GABBR2: variants seen among roughly 807,000 people sequenced by gnomAD.
The protein encoded by GABBR2 is gamma-aminobutyric acid type B receptor subunit 2.
In GABBR2, 23 loss-of-function variants were observed where a neutral mutation model predicts 105.6. The observed-to-expected ratio is 0.22, with a 90% CI of 0.16 to 0.31. The LOEUF (loss-of-function observed/expected upper bound fraction) is 0.31. GABBR2 is among the 10% of genes least tolerant of loss of function. The pLI is 1.00. For synonymous variants in GABBR2, 478 were observed against 499.7 expected (o/e 0.96, Z 0.58); for missense variants, 734 against 1,245.5 (o/e 0.59, Z 6.18).
intron 7 of GABBR2, among the ~76,000 whole-genome samples, chr9:98,433,730 TTCC>T (rs1825850959): frequency 6.6e-6 from 1 of 152,150 alleles, no homozygotes; most frequent in Non-Finnish European, 1.5e-5. Flanking sequence ...TGTCTGATGA[TTCC>T]TGGGGCCACA....
At chr9:98,649,404 A>G (rs1037610761) in intron 1 of GABBR2, among the ~76,000 whole-genome samples, 1 of 152,164 alleles carries the variant, frequency 6.6e-6, no homozygotes. Flanking sequence ...GGCCCCAAAG[A>G]GTTAGTGAGT....
At chr9:98,432,496 A>G (rs1405339206) in intron 7 of GABBR2, among the ~76,000 whole-genome samples, 5 of 152,168 alleles carry the variant, frequency 3.3e-5, no homozygotes, top group African/African-American at 1.2e-4. Context: ...CAAACAGAGC[A>G]TTAGAGGTGG....
intron 13 of GABBR2, among the ~76,000 whole-genome samples, chr9:98,348,344 T>A (rs1259327959): frequency 6.6e-6 from 1 of 152,192 alleles, no homozygotes; most frequent in Non-Finnish European, 1.5e-5. Context: ...AGCTTTGTAG[T>A]ATATTTTGCA....
At chr9:98,364,951 T>C (rs1444220001) in intron 12 of GABBR2, among the ~76,000 whole-genome samples, 1 of 152,222 alleles carries the variant, frequency 6.6e-6, no homozygotes, top group Non-Finnish European at 1.5e-5. Flanking sequence ...TGAGTTAGAA[T>C]TCTGGCTCTG....
chr9:98,662,687 G>A (rs1309704306), intron 1 of GABBR2, among the ~76,000 whole-genome samples: 1 of 152,136 alleles, frequency 6.6e-6, no homozygotes, highest in African/African-American at 2.4e-5. Context: ...TGAAGACCCT[G>A]CTCTCCAGAT....
At chr9:98,626,785 C>T (rs1829743160) in intron 1 of GABBR2, among the ~76,000 whole-genome samples, 1 of 152,086 alleles carries the variant, frequency 6.6e-6, no homozygotes, top group Non-Finnish European at 1.5e-5. Context: ...GATGCAGTGG[C>T]CTAAAATGCT....
chr9:98,397,291 A>G (rs376193800), intron 8 of GABBR2, among the ~76,000 whole-genome samples: 3 of 152,202 alleles, frequency 2.0e-5, no homozygotes, highest in Admixed American at 2.0e-4. Flanking sequence ...GACATCCTGG[A>G]TGCTGGAGAG....
intron 7 of GABBR2, among the ~76,000 whole-genome samples, chr9:98,439,075 C>A (rs1457585954): frequency 6.6e-6 from 1 of 152,020 alleles, no homozygotes; most frequent in Non-Finnish European, 1.5e-5. Flanking sequence ...GCCATCTGTG[C>A]TTTCCTTTAC....
chr9:98,453,881 G>A (rs910912963), intron 7 of GABBR2, 100 bp downstream of exon 7: 2 of 824,598 alleles, frequency 2.4e-6, no homozygotes, highest in African/African-American at 3.4e-5. Flanking sequence ...AATGATCAGA[G>A]ATAACAGATC....
At chr9:98,437,410 C>T in intron 7 of GABBR2, among the ~76,000 whole-genome samples, 1 of 151,874 alleles carries the variant, frequency 6.6e-6, no homozygotes, top group East Asian at 1.9e-4. Context: ...TCCATCCATC[C>T]CTCCATCCAT....
intron 17 of GABBR2, among the ~76,000 whole-genome samples, chr9:98,295,238 A>T (rs1048526486): frequency 6.6e-6 from 1 of 152,246 alleles, no homozygotes; most frequent in Non-Finnish European, 1.5e-5. Context: ...GCTGAGGTTG[A>T]GCAAGGTGAT....
chr9:98,661,861 C>T (rs766461258), intron 1 of GABBR2, among the ~76,000 whole-genome samples: 10 of 152,190 alleles, frequency 6.6e-5, no homozygotes, highest in Non-Finnish European at 1.5e-4. Context: ...GGCCCCGTCC[C>T]TCAGAGCAGC....
intron 1 of GABBR2, among the ~76,000 whole-genome samples, chr9:98,625,874 G>A (rs1398295875): frequency 4.6e-5 from 7 of 152,220 alleles, no homozygotes; most frequent in African/African-American, 1.7e-4. Flanking sequence ...GACTCAGGGA[G>A]GCGAAGGGAG....
At chr9:98,567,702 G>A (rs1455472950) in intron 2 of GABBR2, among the ~76,000 whole-genome samples, 1 of 152,182 alleles carries the variant, frequency 6.6e-6, no homozygotes, top group African/African-American at 2.4e-5. Flanking sequence ...CCAGAAGGGT[G>A]GACGGGATTA....
At chr9:98,432,912 C>T (rs1825838414) in intron 7 of GABBR2, among the ~76,000 whole-genome samples, 1 of 152,122 alleles carries the variant, frequency 6.6e-6, no homozygotes, top group African/African-American at 2.4e-5. Context: ...GCAGTGTGAG[C>T]CCGAGGAGAG....
chr9:98,361,444 A>G (rs1831581339), intron 13 of GABBR2, among the ~76,000 whole-genome samples: 1 of 152,198 alleles, frequency 6.6e-6, no homozygotes, highest in Admixed American at 6.5e-5. Context: ...CAGTTAGCCA[A>G]TGATAGCTCT....
In GABBR2 at chr9:98,341,495, G is replaced by T. The variant is rs576373956; in HGVS notation, c.1893+21220C>A. Among the ~76,000 whole-genome samples the T allele has an allele frequency of 2.0e-4, 30 of 152,350 alleles. 1 individual carries two copies. The East Asian group carries it at 5.8e-3, about 29-fold the overall frequency. ...CAACAGGACAGTTAAAAATAAAGACGAATGATCAGAAGGTGAGATAATCCT... is the reference window on the plus strand; with the variant it reads ...CAACAGGACAGTTAAAAATAAAGACTAATGATCAGAAGGTGAGATAATCCT... On this transcript the variant is annotated intron_variant, in intron 13 of 18. Transcript: ENST00000259455.
chr9:98,526,788 A>G (rs1827970884), intron 3 of GABBR2, among the ~76,000 whole-genome samples: 1 of 152,180 alleles, frequency 6.6e-6, no homozygotes, highest in Admixed American at 6.5e-5. Context: ...TGTCACACTA[A>G]TAGATCAAAG....
intron 6 of GABBR2, among the ~76,000 whole-genome samples, chr9:98,457,724 G>A (rs150739057): frequency 7.2e-4 from 110 of 152,256 alleles, no homozygotes; most frequent in African/African-American, 2.5e-3. Flanking sequence ...TAAAGAAGTC[G>A]TTGCTGCCAC....
Sources: allele counts gnomAD v4.1 joint callset (sites outside exome capture counted in the v4.1 genomes callset), GRCh38; gene constraint gnomAD v4.1.1; transcripts MANE v1.5; gene names NCBI Gene and HGNC (gene_info 2026-07-23, HGNC 2026-07-21).